Variants in TCF4 observed in about 807,000 individuals in gnomAD.
TCF4 encodes the protein SL3-3 enhancer factor 2.
TCF4 carries 3 observed loss-of-function variants against 82.1 expected under a neutral mutation model. That is an observed-to-expected ratio of 0.04 (90% confidence interval 0.02 to 0.09). TCF4 has a LOEUF of 0.09. Among genes scored for constraint, TCF4 ranks in the 10% least tolerant of loss-of-function variants. The pLI is 1.00. For synonymous variants in TCF4, 276 were observed against 309.6 expected (o/e 0.89, Z 1.14); for missense variants, 518 against 852.7 (o/e 0.61, Z 4.89).
chr18:55,425,185 G>A (rs1212002423), intron 5 of TCF4, among the ~76,000 whole-genome samples: 1 of 152,180 alleles, frequency 6.6e-6, no homozygotes, highest in East Asian at 1.9e-4. Flanking sequence ...GTGAGAAAGT[G>A]TCCTACCTAA....
chr18:55,626,944 C>T (rs939952778), intron 2 of TCF4, among the ~76,000 whole-genome samples: 5 of 152,138 alleles, frequency 3.3e-5, no homozygotes, highest in Non-Finnish European at 7.4e-5. Context: ...CTGAAATAAT[C>T]GGGCACCAGC....
At chr18:55,524,689 G>A (rs138148961) in intron 3 of TCF4, among the ~76,000 whole-genome samples, 295 of 152,274 alleles carry the variant, frequency 1.9e-3, no homozygotes, top group Non-Finnish European at 3.3e-3. Flanking sequence ...CCTTAGGCTA[G>A]TTCTGCCTCT....
chr18:55,355,490 G>A (rs1251116302), intron 6 of TCF4, among the ~76,000 whole-genome samples: 1 of 152,056 alleles, frequency 6.6e-6, no homozygotes, highest in African/African-American at 2.4e-5. Flanking sequence ...GCAGGAGGGG[G>A]GCGATAATTT....
At chr18:55,293,074 A>G (rs1043637674) in intron 8 of TCF4, among the ~76,000 whole-genome samples, 2 of 152,188 alleles carry the variant, frequency 1.3e-5, no homozygotes, top group Non-Finnish European at 2.9e-5. Flanking sequence ...TTGTGAATGT[A>G]CTAAATATTA....
chr18:55,615,339 A>G (rs901144018), intron 2 of TCF4, among the ~76,000 whole-genome samples: 1 of 152,028 alleles, frequency 6.6e-6, no homozygotes, highest in Non-Finnish European at 1.5e-5. Context: ...TTAAATTTCT[A>G]ATTGTTCTTA....
intron 15 of TCF4, among the ~76,000 whole-genome samples, chr18:55,238,572 A>C (rs760713763): frequency 6.6e-6 from 1 of 152,182 alleles, no homozygotes; most frequent in Non-Finnish European, 1.5e-5. Flanking sequence ...AAGGAAGAGA[A>C]ACCTATTTGA....
intron 3 of TCF4, among the ~76,000 whole-genome samples, chr18:55,496,690 C>G (rs1002992246): frequency 6.6e-6 from 1 of 152,040 alleles, no homozygotes; most frequent in African/African-American, 2.4e-5. Flanking sequence ...TAGCATATTA[C>G]TGTACAATCT....
chr18:55,588,110 C>T lies in TCF4; in HGVS notation c.-93G>A, dbSNP rs965240551. 5 of 1,031,534 alleles carry T rather than the reference C, an allele frequency of 4.8e-6. No homozygotes were observed. In the African/African-American group the frequency reaches 5.2e-5, roughly 11 times the overall value. 63.9% of individuals were successfully genotyped at this position (1,031,534 alleles called of 1,614,324 possible). On this transcript the variant is annotated 5_prime_UTR_variant, in exon 1 of 20. Coordinates refer to ENST00000354452, the MANE Select transcript of TCF4 (RefSeq NM_001083962.2). Reference sequence around the variant, plus strand: ...GGCGTTCATGTCTAACCGCCGCCGCCACCGCCGCCGCCTGCTCCTGCGCCC... The same window carrying T: ...GGCGTTCATGTCTAACCGCCGCCGCTACCGCCGCCGCCTGCTCCTGCGCCC...
chr18:55,479,374 C>A (rs1049369951), intron 3 of TCF4: 1 of 154,278 alleles, frequency 6.5e-6, no homozygotes, highest in Non-Finnish European at 1.5e-5. Flanking sequence ...CCTCTGAAAA[C>A]TAGTGGTCAC....
chr18:55,510,653 A>G, intron 3 of TCF4: 1 of 1,500,748 alleles, frequency 6.7e-7, no homozygotes, highest in Non-Finnish European at 8.9e-7. Flanking sequence ...ATTCTAAAAT[A>G]CTACTTCGTA....
chr18:55,560,319 T>A (rs1474737086), intron 3 of TCF4, among the ~76,000 whole-genome samples: 1 of 152,210 alleles, frequency 6.6e-6, no homozygotes, highest in African/African-American at 2.4e-5. Context: ...CATACATGAA[T>A]GAAATTACCG....
At chr18:55,397,357 A>G (rs184033906) in intron 6 of TCF4, among the ~76,000 whole-genome samples, 100 of 152,310 alleles carry the variant, frequency 6.6e-4, no homozygotes, top group Non-Finnish European at 9.1e-4. Flanking sequence ...CCACAAGGAA[A>G]CGAAATCTAA....
At chr18:55,411,053 C>A (rs2094324773) in intron 5 of TCF4, among the ~76,000 whole-genome samples, 1 of 152,138 alleles carries the variant, frequency 6.6e-6, no homozygotes, top group South Asian at 2.1e-4. Flanking sequence ...GAAAATCTTT[C>A]ATTGAAAATA....
chr18:55,356,252 T>C (rs370182053), intron 6 of TCF4, among the ~76,000 whole-genome samples: 20 of 152,148 alleles, frequency 1.3e-4, no homozygotes, highest in African/African-American at 4.3e-4. Flanking sequence ...GATTAAAAAG[T>C]ACAAGCTGTG....
chr18:55,401,760 G>A (rs2093833094), intron 6 of TCF4: 1 of 985,778 alleles, frequency 1.0e-6, no homozygotes, highest in African/African-American at 1.7e-5. Flanking sequence ...TTGTGTCTGT[G>A]AGGAATCACG....
chr18:55,601,301 G>C (rs984260784), intron 2 of TCF4, among the ~76,000 whole-genome samples: 14 of 152,142 alleles, frequency 9.2e-5, no homozygotes, highest in African/African-American at 3.4e-4. Flanking sequence ...TGTCCTTCCA[G>C]AGGGCTCCTT....
intron 13 of TCF4, among the ~76,000 whole-genome samples, chr18:55,258,225 C>T (rs1249744389): frequency 1.3e-5 from 2 of 152,052 alleles, no homozygotes; most frequent in African/African-American, 2.4e-5. Flanking sequence ...ATATTTTGTT[C>T]AATTACTTTT....
chr18:55,310,067 T>C (rs995107927), intron 8 of TCF4, among the ~76,000 whole-genome samples: 2 of 152,206 alleles, frequency 1.3e-5, no homozygotes, highest in African/African-American at 4.8e-5. Context: ...CAATAAAAGG[T>C]GGAAGACAGT....
At chr18:55,536,622 C>T (rs974104334) in intron 3 of TCF4, among the ~76,000 whole-genome samples, 6 of 152,156 alleles carry the variant, frequency 3.9e-5, no homozygotes. Flanking sequence ...TATGACAATG[C>T]TGTATTCAAA....
Sources: gnomAD v4.1 joint callset for allele counts (sites outside exome capture counted in the v4.1 genomes callset) on GRCh38, gnomAD v4.1.1 for gene constraint, MANE v1.5 for transcripts, NCBI Gene and HGNC (gene_info 2026-07-23, HGNC 2026-07-21) for gene names.